DPP10: variants seen among roughly 807,000 people sequenced by gnomAD.
The protein encoded by DPP10 is dipeptidyl peptidase like 10.
DPP10 carries 33 observed loss-of-function variants against 120.9 expected under a neutral mutation model. The ratio of observed to expected loss-of-function variants is 0.27; its 90% CI spans 0.21 to 0.37. The LOEUF is 0.37. Among genes scored for constraint, DPP10 ranks in the 10% least tolerant of loss-of-function variants. The pLI is 1.00. For synonymous variants in DPP10, 337 were observed against 326.1 expected, an observed-to-expected ratio of 1.03 and a Z score of -0.36; for missense variants, 816 against 942.8, an observed-to-expected ratio of 0.87 and a Z score of 1.76.
At chr2:115,165,130 T>C (rs972035408) in intron 1 of DPP10, among the ~76,000 whole-genome samples, 1 of 152,226 alleles carries the variant, frequency 6.6e-6, no homozygotes, top group African/African-American at 2.4e-5. Flanking sequence ...TTTATTATTA[T>C]TTTTAAAAAT....
At position 115,140,381 on chromosome 2, in the gene DPP10, A is replaced by G. The variant is rs577075035; in HGVS notation, c.61-168858A>G. Among the ~76,000 whole-genome samples the G allele has an allele frequency of 2.6e-5, 4 of 152,304 alleles. No homozygotes were observed. In the East Asian group the frequency reaches 5.8e-4, roughly 22 times the overall value. On this transcript the variant is annotated intron_variant, in intron 1 of 25. Transcript: ENST00000410059. ...AGTGAGGCTGCAGGGCTGTGGGCAG[A>G]AGGAGGATGATGGAAGATGATGGCT...
chr2:114,944,420 G>T (rs1204254997), intron 1 of DPP10, among the ~76,000 whole-genome samples: 1 of 152,064 alleles, frequency 6.6e-6, no homozygotes, highest in Non-Finnish European at 1.5e-5. Context: ...GATTCATGCA[G>T]TTGTTTGTTA....
chr2:115,239,281 A>G, intron 1 of DPP10, among the ~76,000 whole-genome samples: 1 of 152,192 alleles, frequency 6.6e-6, no homozygotes, highest in East Asian at 1.9e-4. Context: ...AAGAAGTTCA[A>G]CTGTGGGAAA....
chr2:114,504,252 T>C (rs1683440001), intron 1 of DPP10, among the ~76,000 whole-genome samples: 1 of 152,206 alleles, frequency 6.6e-6, no homozygotes, highest in African/African-American at 2.4e-5. Context: ...TTCCAACTCA[T>C]CTTATATGTT....
intron 1 of DPP10, among the ~76,000 whole-genome samples, chr2:114,925,210 C>CAAAA (rs66986816): frequency 1.4e-4 from 15 of 104,796 alleles, no homozygotes; most frequent in South Asian, 3.6e-4. Context: ...GACTCTGTCT[C>CAAAA]AAAAAAAAAA....
At position 115,815,739 on chromosome 2, in the gene DPP10, A is replaced by C; in HGVS notation, c.1950+10A>C. 6.3e-7 allele frequency: 1 copy of C among 1,591,314 alleles called. No homozygotes were observed. Among genetic ancestry groups the C allele is most frequent in the Non-Finnish European group, 8.6e-7 (1 of 1,165,638 alleles). ...AAGCATTTTTGGAAAGGTAAATAGT[A>C]GAAATGCTGAATCTATCTTTTTATG... On this transcript the variant is annotated intron_variant, in intron 21 of 25. Transcript: ENST00000410059.
chr2:114,466,364 T>C (rs954664998), intron 1 of DPP10, among the ~76,000 whole-genome samples: 1 of 152,272 alleles, frequency 6.6e-6, no homozygotes, highest in Non-Finnish European at 1.5e-5. Context: ...ATAGTATTTA[T>C]ATGCATATAT....
chr2:115,507,254 C>T (rs2076997736), intron 4 of DPP10, among the ~76,000 whole-genome samples: 1 of 152,056 alleles, frequency 6.6e-6, no homozygotes, highest in Non-Finnish European at 1.5e-5. Context: ...ACTCATTATG[C>T]CTTATTACTT....
At chr2:115,649,377 T>A (rs73946583) in intron 5 of DPP10, among the ~76,000 whole-genome samples, 1,865 of 152,238 alleles carry the variant, frequency 0.012, 42 homozygotes, top group African/African-American at 0.043. Context: ...AAGATTAACA[T>A]TAAACTCGTG....
intron 1 of DPP10, among the ~76,000 whole-genome samples, chr2:114,543,998 C>A (rs1239994317): frequency 6.6e-6 from 1 of 150,618 alleles, no homozygotes; most frequent in Admixed American, 6.6e-5. Context: ...TTTGACCATT[C>A]TAGATGTTAG....
chr2:115,772,215 T>C (rs1419407091), intron 13 of DPP10, among the ~76,000 whole-genome samples: 1 of 152,186 alleles, frequency 6.6e-6, no homozygotes, highest in Non-Finnish European at 1.5e-5. Context: ...AATAATTCTT[T>C]AGAAGATTAA....
chr2:115,788,724 TTC>T (rs1182913667), intron 17 of DPP10, among the ~76,000 whole-genome samples: 1 of 152,194 alleles, frequency 6.6e-6, no homozygotes, highest in African/African-American at 2.4e-5. Context: ...GCAATTAACA[TTC>T]TCCTCACAAA....
chr2:115,149,218 G>C (rs570744593), intron 1 of DPP10, among the ~76,000 whole-genome samples: 2 of 152,134 alleles, frequency 1.3e-5, no homozygotes, highest in Non-Finnish European at 2.9e-5. Context: ...CTTTCATCAG[G>C]AGGCAAATTG....
chr2:115,718,632 T>C (rs1220599045), intron 7 of DPP10, among the ~76,000 whole-genome samples: 3 of 152,204 alleles, frequency 2.0e-5, no homozygotes, highest in Non-Finnish European at 4.4e-5. Context: ...TCCATTGGTT[T>C]TATTTTTCCT....
At chr2:114,587,132 C>T (rs1691055417) in intron 1 of DPP10, among the ~76,000 whole-genome samples, 1 of 151,766 alleles carries the variant, frequency 6.6e-6, no homozygotes, top group Non-Finnish European at 1.5e-5. Flanking sequence ...CCCATCTCTA[C>T]TAAAAATACA....
At chr2:115,456,025 C>A (rs918923782) in intron 3 of DPP10, among the ~76,000 whole-genome samples, 4 of 152,070 alleles carry the variant, frequency 2.6e-5, no homozygotes, top group Admixed American at 6.6e-5. Context: ...TCAGAGTGAA[C>A]AGGCAGCCTA....
intron 7 of DPP10, among the ~76,000 whole-genome samples, chr2:115,712,727 T>C (rs1231667897): frequency 1.3e-5 from 2 of 150,910 alleles, no homozygotes; most frequent in Non-Finnish European, 3.0e-5. Flanking sequence ...TACAATAAGA[T>C]AGAAATCAAA....
At chr2:114,831,674 C>T (rs1245770114) in intron 1 of DPP10, among the ~76,000 whole-genome samples, 1 of 152,098 alleles carries the variant, frequency 6.6e-6, no homozygotes, top group African/African-American at 2.4e-5. Flanking sequence ...ATCTTAACCT[C>T]ATCAAAAGAA....
intron 1 of DPP10, among the ~76,000 whole-genome samples, chr2:115,293,665 A>G (rs532248964): frequency 6.6e-6 from 1 of 152,228 alleles, no homozygotes; most frequent in Non-Finnish European, 1.5e-5. Context: ...CGTTACAGTA[A>G]TGTACCCTGT....
Sources: allele counts gnomAD v4.1 joint callset (sites outside exome capture counted in the v4.1 genomes callset), GRCh38; gene constraint gnomAD v4.1.1; transcripts MANE v1.5; gene names NCBI Gene and HGNC (gene_info 2026-07-23, HGNC 2026-07-21).